CACNA1E: variants seen among roughly 807,000 people sequenced by gnomAD.
The protein encoded by CACNA1E is voltage-dependent R-type calcium channel subunit alpha-1E.
CACNA1E carries 40 observed loss-of-function variants against 259.2 expected under a neutral mutation model. The observed-to-expected ratio is 0.15, with a 90% CI of 0.12 to 0.20. CACNA1E has a LOEUF of 0.20. Ranked by LOEUF, CACNA1E falls within the 10% of genes least tolerant of loss-of-function variation. CACNA1E has a pLI of 1.00. For synonymous variants in CACNA1E, 1,104 were observed against 1,138.5 expected (o/e 0.97, Z 0.61); for missense variants, 1,874 against 3,040.1 (o/e 0.62, Z 9.02).
intron 7 of CACNA1E, chr1:181,651,652 C>T (rs1266052675): frequency 2.0e-6 from 1 of 491,018 alleles, no homozygotes; most frequent in East Asian, 3.5e-5. Flanking sequence ...ATTAAAAAGT[C>T]TTGATGTCAG....
At chr1:181,463,548 C>T (rs1417360922) in intron 2 of CACNA1E, among the ~76,000 whole-genome samples, 3 of 152,128 alleles carry the variant, frequency 2.0e-5, no homozygotes, top group African/African-American at 7.2e-5. Context: ...GCATTAATTG[C>T]ACTTTCCCTG....
At chr1:181,476,491 G>A (rs1011959361) in intron 2 of CACNA1E, among the ~76,000 whole-genome samples, 1 of 152,170 alleles carries the variant, frequency 6.6e-6, no homozygotes, top group Non-Finnish European at 1.5e-5. Context: ...CTGCAGCTGT[G>A]AGCTGCATTT....
At chr1:181,742,903 G>A (rs1194143306) in intron 25 of CACNA1E, among the ~76,000 whole-genome samples, 1 of 152,158 alleles carries the variant, frequency 6.6e-6, no homozygotes, top group East Asian at 1.9e-4. Flanking sequence ...ATTGACTTTT[G>A]AGGAGGAAGG....
intron 1 of CACNA1E, among the ~76,000 whole-genome samples, chr1:181,398,207 T>A (rs572327165): frequency 6.6e-6 from 1 of 152,196 alleles, no homozygotes; most frequent in Non-Finnish European, 1.5e-5. Context: ...GGCAGTTTAA[T>A]TTCCCTTCCT....
intron 24 of CACNA1E, 68 bp from the exon 25 acceptor site, chr1:181,739,079 A>C: frequency 1.1e-6 from 1 of 930,488 alleles, no homozygotes; most frequent in Non-Finnish European, 1.8e-6. Flanking sequence ...TGCCATGATG[A>C]ACAGAGCTCA....
chr1:181,695,414 C>A (rs1651597910), intron 7 of CACNA1E, among the ~76,000 whole-genome samples: 1 of 152,044 alleles, frequency 6.6e-6, no homozygotes, highest in Non-Finnish European at 1.5e-5. Context: ...CTTTAGAGAA[C>A]CCAGAACAAT....
chr1:181,771,718 C>A lies in CACNA1E; in HGVS notation c.4973+334C>A, dbSNP rs1338936103. On this transcript the variant is annotated intron_variant, in intron 36 of 47. Transcript: ENST00000367573. ...CAAATTTTAACTTCAACATGGCCTG[C>A]AAGGGTTTGGGAGGGGGGAATGTCA... 4 of 463,034 alleles carry A rather than the reference C, an allele frequency of 8.6e-6. No individual in the cohort carries two copies. The East Asian group carries it at 1.4e-4, about 16-fold the overall frequency. The allele number at this position is 463,034 out of a possible 1,614,324, so 28.7% of individuals were successfully genotyped here. A position where few individuals can be genotyped will look rare whatever the true frequency, so the allele number is the denominator to read the frequency against.
At chr1:181,497,977 C>CA (rs1463207997) in intron 1 of CACNA1E, among the ~76,000 whole-genome samples, 1 of 152,104 alleles carries the variant, frequency 6.6e-6, no homozygotes. Flanking sequence ...CTTTCCCCCG[C>CA]CAAAACTCCA....
At chr1:181,685,998 C>T (rs1160458800) in intron 7 of CACNA1E, among the ~76,000 whole-genome samples, 3 of 152,090 alleles carry the variant, frequency 2.0e-5, no homozygotes, top group African/African-American at 7.2e-5. Flanking sequence ...TCAGGGAGCA[C>T]TTTGCAGTTA....
intron 2 of CACNA1E, among the ~76,000 whole-genome samples, 162 bp downstream of exon 2, chr1:181,510,744 G>A (rs1389008995): frequency 1.3e-5 from 2 of 152,180 alleles, no homozygotes; most frequent in Non-Finnish European, 2.9e-5. Context: ...GGATTCACAC[G>A]GAAAAGAAGA....
chr1:181,680,105 CAAAAAAAAAAAAA>C (rs56198008), intron 7 of CACNA1E, among the ~76,000 whole-genome samples: 14 of 78,500 alleles, frequency 1.8e-4, no homozygotes, highest in African/African-American at 4.2e-4. Flanking sequence ...GACCTTGTCT[CAAAAAAAAAAAAA>C]AAAAAAAAAA....
intron 6 of CACNA1E, among the ~76,000 whole-genome samples, chr1:181,587,224 A>C (rs1057492001): frequency 2.0e-5 from 3 of 152,188 alleles, no homozygotes; most frequent in Non-Finnish European, 4.4e-5. Flanking sequence ...AAGGAGGAAA[A>C]TGTTGAAAGT....
chr1:181,501,625 T>C (rs1665255229), intron 1 of CACNA1E, among the ~76,000 whole-genome samples: 1 of 152,190 alleles, frequency 6.6e-6, no homozygotes, highest in South Asian at 2.1e-4. Flanking sequence ...TGCCTCTTTG[T>C]TATGTTCTCA....
intron 37 of CACNA1E, among the ~76,000 whole-genome samples, chr1:181,772,568 A>G (rs1291514712): frequency 2.0e-5 from 3 of 152,224 alleles, no homozygotes; most frequent in Admixed American, 6.5e-5. Flanking sequence ...TATCGAATCT[A>G]TGGACACTCA....
intron 25 of CACNA1E, among the ~76,000 whole-genome samples, chr1:181,746,943 A>G (rs533526427): frequency 6.6e-6 from 1 of 152,356 alleles, no homozygotes; most frequent in South Asian, 2.1e-4. Flanking sequence ...GATTCAAAAT[A>G]ATATTTTGGT....
intron 6 of CACNA1E, among the ~76,000 whole-genome samples, chr1:181,627,254 A>G (rs546298383): frequency 1.3e-5 from 2 of 152,304 alleles, no homozygotes; most frequent in South Asian, 4.1e-4. Context: ...GGTTACCAGT[A>G]ACTGATTCAA....
intron 6 of CACNA1E, among the ~76,000 whole-genome samples, chr1:181,590,025 C>T (rs992290353): frequency 4.6e-5 from 7 of 152,124 alleles, no homozygotes; most frequent in African/African-American, 1.7e-4. Flanking sequence ...TTAGCTGGTC[C>T]TCATTCCATG....
At chr1:181,544,897 T>G (rs933500511) in intron 3 of CACNA1E, among the ~76,000 whole-genome samples, 1 of 152,192 alleles carries the variant, frequency 6.6e-6, no homozygotes, top group Non-Finnish European at 1.5e-5. Context: ...TGGTTGGTTG[T>G]TTTGCATTTT....
intron 1 of CACNA1E, among the ~76,000 whole-genome samples, chr1:181,320,238 A>C (rs1650232907): frequency 6.6e-6 from 1 of 152,204 alleles, no homozygotes; most frequent in Admixed American, 6.5e-5. Flanking sequence ...GAGGAAAAAA[A>C]ATCCTACATG....
Sources: gnomAD v4.1 joint callset for allele counts (sites outside exome capture counted in the v4.1 genomes callset) on GRCh38, gnomAD v4.1.1 for gene constraint, MANE v1.5 for transcripts, NCBI Gene and HGNC (gene_info 2026-07-23, HGNC 2026-07-21) for gene names.